The following STRN3 variants were observed in gnomAD, a reference collection of about 807,000 sequenced individuals.
The protein encoded by STRN3 is striatin-3.
A neutral mutation model predicts 95.6 loss-of-function variants in STRN3; 29 were observed. The ratio of observed to expected loss-of-function variants is 0.30; its 90% CI spans 0.23 to 0.41. The LOEUF is 0.41. STRN3 is among the 10% of genes least tolerant of loss of function. The pLI, the probability that STRN3 is intolerant of heterozygous loss-of-function variation, is 1.00. For synonymous variants in STRN3, 331 were observed against 357.6 expected (o/e 0.93, Z 0.84); for missense variants, 890 against 972.1 (o/e 0.92, Z 1.12).
At chr14:31,008,296 G>T (rs1250244614) in intron 1 of STRN3, among the ~76,000 whole-genome samples, 1 of 152,062 alleles carries the variant, frequency 6.6e-6, no homozygotes, top group African/African-American at 2.4e-5. Flanking sequence ...GATCGCTTGA[G>T]TCAGGAGTTC....
At chr14:31,002,627 C>T (rs577448953) in intron 1 of STRN3, among the ~76,000 whole-genome samples, 1 of 142,332 alleles carries the variant, frequency 7.0e-6, no homozygotes, top group Non-Finnish European at 1.5e-5. Flanking sequence ...GACAACAGGG[C>T]AAGACTGCTT....
At chr14:30,900,551 C>T (rs1197695273) in intron 16 of STRN3, among the ~76,000 whole-genome samples, 1 of 151,372 alleles carries the variant, frequency 6.6e-6, no homozygotes, top group Non-Finnish European at 1.5e-5. Flanking sequence ...GAGTTCAAGA[C>T]CAGCCTGGCC....
At chr14:30,924,443 C>T (rs1297581536) in intron 8 of STRN3, among the ~76,000 whole-genome samples, 1 of 151,812 alleles carries the variant, frequency 6.6e-6, no homozygotes, top group African/African-American at 2.4e-5. Context: ...CATGAGCCAC[C>T]ACGCCCAGCT....
chr14:30,925,798 TTA>T (rs1263024535), intron 8 of STRN3, among the ~76,000 whole-genome samples: 1 of 152,146 alleles, frequency 6.6e-6, no homozygotes, highest in Admixed American at 6.5e-5. Flanking sequence ...ATATTTATAA[TTA>T]TGTGTCATTT....
At chr14:30,967,199 G>C (rs1381080834) in intron 1 of STRN3, among the ~76,000 whole-genome samples, 3 of 144,560 alleles carry the variant, frequency 2.1e-5, no homozygotes, top group Non-Finnish European at 4.5e-5. Flanking sequence ...CCCTACCCTA[G>C]AGGCAGAGAG....
intron 1 of STRN3, among the ~76,000 whole-genome samples, chr14:31,021,383 T>TA (rs901802555): frequency 1.3e-5 from 2 of 152,050 alleles, no homozygotes; most frequent in African/African-American, 4.8e-5. Context: ...TCAGAAAAAA[T>TA]AAAAAAAAGA....
At chr14:30,907,162 A>T (rs1171303997) in intron 13 of STRN3, 118 bp from the exon 14 acceptor site, 21 of 1,167,680 alleles carry the variant, frequency 1.8e-5, no homozygotes, top group Admixed American at 2.8e-5. Flanking sequence ...GGCCACAAGA[A>T]GATAAACTAA....
intron 5 of STRN3, among the ~76,000 whole-genome samples, 153 bp downstream of exon 5, chr14:30,946,937 C>T (rs1441836236): frequency 6.6e-6 from 1 of 150,700 alleles, no homozygotes; most frequent in African/African-American, 2.4e-5. Flanking sequence ...CGAGATCGTA[C>T]CATTGCACTC....
chr14:30,939,640 A>G (rs544260162), intron 5 of STRN3, among the ~76,000 whole-genome samples: 6 of 152,102 alleles, frequency 3.9e-5, no homozygotes, highest in Admixed American at 3.9e-4. Flanking sequence ...AAAAAAAGCC[A>G]AATAGTTCTA....
intron 1 of STRN3, among the ~76,000 whole-genome samples, chr14:31,002,470 CAAAAAAAAAA>C (rs59491889): frequency 1.2e-5 from 1 of 81,616 alleles, no homozygotes; most frequent in Non-Finnish European, 2.4e-5. Context: ...GACTCTGTCT[CAAAAAAAAAA>C]AAAAAAAAAA....
At chr14:31,000,440 G>C (rs1008468522) in intron 1 of STRN3, among the ~76,000 whole-genome samples, 1 of 151,172 alleles carries the variant, frequency 6.6e-6, no homozygotes, top group African/African-American at 2.4e-5. Context: ...AATTAAAATG[G>C]GTATTAATCC....
chr14:30,971,801 A>C (rs1880843670), intron 1 of STRN3, among the ~76,000 whole-genome samples: 1 of 152,174 alleles, frequency 6.6e-6, no homozygotes, highest in African/African-American at 2.4e-5. Flanking sequence ...GGAAAGGAAT[A>C]ATAGCCTCAA....
In STRN3 at chr14:30,894,149, AG is replaced by A. The variant is rs1401382025; in HGVS notation, c.*1261del. On this transcript the variant is annotated 3_prime_UTR_variant, in exon 18 of 18. Coordinates refer to ENST00000357479, the MANE Select transcript of STRN3 (RefSeq NM_001083893.2). Reference sequence around the variant, plus strand: ...TTAAGCACATCTAAAAAAATAAAACAGGGATAACTAGTCAAAACACAGCAGA... The same window carrying A: ...TTAAGCACATCTAAAAAAATAAAACAGGATAACTAGTCAAAACACAGCAGA... 1 of 152,582 alleles carries A rather than the reference AG, an allele frequency of 6.6e-6. No individual in the cohort carries two copies. The highest frequency in any genetic ancestry group is 2.4e-5 in the African/African-American group (1 of 41,462). The allele number at this position is 152,582 out of a possible 1,614,324, so 9.5% of individuals were successfully genotyped here. A position where few individuals can be genotyped will look rare whatever the true frequency, so the allele number is the denominator to read the frequency against.
At chr14:30,965,768 C>CAAAAAAAAAAAAAAAAAA (rs57644568) in intron 1 of STRN3, among the ~76,000 whole-genome samples, 1 of 103,788 alleles carries the variant, frequency 9.6e-6, no homozygotes, top group Non-Finnish European at 2.0e-5. Context: ...AACTCCATCT[C>CAAAAAAAAAAAAAAAAAA]AAAAAAAAAA....
At chr14:31,009,029 AC>A (rs954120912) in intron 1 of STRN3, among the ~76,000 whole-genome samples, 1 of 151,876 alleles carries the variant, frequency 6.6e-6, no homozygotes, top group South Asian at 2.1e-4. Context: ...ACAGAAAGAG[AC>A]CCTCTCTCAA....
Position 30,919,046 on chromosome 14 carries a change from T to C in STRN3, c.1160A>G (p.His387Arg). 1 of 1,612,110 alleles carries C rather than the reference T, an allele frequency of 6.2e-7. No homozygotes were observed. The highest frequency in any genetic ancestry group is 8.5e-7 in the Non-Finnish European group (1 of 1,178,838). ...CTGATTAATGATTCCTGAAGGGATG[T>C]GGGGCAGCTCATCATCTCCCAGATC... ...IADLGDDELPHIPSGIINQSR... is the reference protein window; with the variant it reads ...IADLGDDELPRIPSGIINQSR... The change falls in exon 9 of 18, where the codon CAC (histidine) becomes CGC (arginine). Residue 387 changes from histidine (H) to arginine (R), a missense_variant. Physicochemically the swap from His to Arg is conservative, Grantham distance 29. This residue lies in a region of STRN3 where 526 missense variants were observed against 526.3 expected (regional missense o/e 1.00). Coordinates refer to ENST00000357479, the MANE Select transcript of STRN3 (RefSeq NM_001083893.2).
At chr14:30,990,927 T>G (rs966802790) in intron 1 of STRN3, among the ~76,000 whole-genome samples, 1 of 152,206 alleles carries the variant, frequency 6.6e-6, no homozygotes, top group African/African-American at 2.4e-5. Flanking sequence ...TGAATATTTA[T>G]GATTCACAGC....
chr14:31,020,510 AAG>A (rs1484317666), intron 1 of STRN3, among the ~76,000 whole-genome samples: 6 of 152,130 alleles, frequency 3.9e-5, no homozygotes, highest in African/African-American at 1.4e-4. Flanking sequence ...AAAAAAAAAA[AAG>A]AAAGTGCTCA....
intron 1 of STRN3, among the ~76,000 whole-genome samples, chr14:30,995,149 G>C (rs1353819605): frequency 6.6e-6 from 1 of 152,172 alleles, no homozygotes; most frequent in Non-Finnish European, 1.5e-5. Flanking sequence ...ACAGTCATCA[G>C]GAAAACGTTT....
Sources: gnomAD v4.1 joint callset for allele counts (sites outside exome capture counted in the v4.1 genomes callset) on GRCh38, gnomAD v4.1.1 for gene constraint, gnomAD v4.1.1 regional missense constraint, MANE v1.5 for transcripts, NCBI Gene and HGNC (gene_info 2026-07-23, HGNC 2026-07-21) for gene names.